SMOC2: variants seen among roughly 807,000 people sequenced by gnomAD.
The protein encoded by SMOC2 is SPARC-related modular calcium-binding protein 2.
In SMOC2, 39 loss-of-function variants were observed where a neutral mutation model predicts 61.4. The ratio of observed to expected loss-of-function variants is 0.64; its 90% CI spans 0.49 to 0.83. The LOEUF (loss-of-function observed/expected upper bound fraction) is 0.83. Ranked by LOEUF, SMOC2 falls within the 40% of genes least tolerant of loss-of-function variation. The probability of loss-of-function intolerance (pLI) is 0.00; values close to 1 mark genes in which losing one functional copy is unlikely to be tolerated. For missense variants in SMOC2, 556 were observed against 592.9 expected, an observed-to-expected ratio of 0.94 and a Z score of 0.65; for synonymous variants, 247 against 239.9, an observed-to-expected ratio of 1.03 and a Z score of -0.27.
At chr6:168,643,597 G>A (rs1177653447) in intron 9 of SMOC2, among the ~76,000 whole-genome samples, 14 of 152,322 alleles carry the variant, frequency 9.2e-5, no homozygotes, top group South Asian at 2.1e-4. Context: ...CAGGACAGGC[G>A]TGGTGGTGGG....
intron 1 of SMOC2, among the ~76,000 whole-genome samples, chr6:168,489,753 G>A (rs368810084): frequency 4.1e-5 from 6 of 144,802 alleles, no homozygotes; most frequent in Admixed American, 2.1e-4. Flanking sequence ...ATATCAAATC[G>A]TCTGGGTCCT....
intron 1 of SMOC2, among the ~76,000 whole-genome samples, chr6:168,468,082 AG>A (rs1384360226): frequency 1.3e-5 from 2 of 152,172 alleles, no homozygotes; most frequent in Non-Finnish European, 2.9e-5. Context: ...AAAGTAACTC[AG>A]GGGGGCTCTG....
intron 4 of SMOC2, among the ~76,000 whole-genome samples, chr6:168,528,819 T>C (rs549604079): frequency 6.6e-6 from 1 of 152,372 alleles, no homozygotes; most frequent in Non-Finnish European, 1.5e-5. Context: ...CTAACATGTA[T>C]ACCTAATAGT....
chr6:168,664,540 G>T, intron 12 of SMOC2: 1 of 384,890 alleles, frequency 2.6e-6, no homozygotes. Flanking sequence ...TTGTCTGAGT[G>T]TTTGTAATTT....
chr6:168,523,826 TTA>T (rs1783392168), intron 2 of SMOC2, among the ~76,000 whole-genome samples: 1 of 152,204 alleles, frequency 6.6e-6, no homozygotes, highest in Admixed American at 6.5e-5. Flanking sequence ...TGCTTAATTT[TTA>T]ACTCAACCAA....
chr6:168,636,127 T>C (rs1786711560), intron 9 of SMOC2, among the ~76,000 whole-genome samples: 1 of 152,220 alleles, frequency 6.6e-6, no homozygotes, highest in South Asian at 2.1e-4. Context: ...AGCTGCTGTC[T>C]CCTGCAAAGA....
At chr6:168,495,634 A>G (rs1782569790) in intron 1 of SMOC2, among the ~76,000 whole-genome samples, 1 of 152,128 alleles carries the variant, frequency 6.6e-6, no homozygotes, top group South Asian at 2.1e-4. Context: ...CCTGGGGAGC[A>G]GCGCTTCGCA....
chr6:168,632,963 C>G (rs1786607603), intron 9 of SMOC2, among the ~76,000 whole-genome samples: 1 of 152,160 alleles, frequency 6.6e-6, no homozygotes, highest in African/African-American at 2.4e-5. Flanking sequence ...AGCGGCTTCC[C>G]CCTTCCCCAG....
intron 7 of SMOC2, among the ~76,000 whole-genome samples, chr6:168,554,549 C>T (rs1332871570): frequency 6.6e-6 from 1 of 152,200 alleles, no homozygotes; most frequent in African/African-American, 2.4e-5. Context: ...GCACGGAGGC[C>T]CCCCGTCTCA....
chr6:168,521,403 C>T (rs1783326038), intron 2 of SMOC2, among the ~76,000 whole-genome samples: 1 of 152,176 alleles, frequency 6.6e-6, no homozygotes, highest in African/African-American at 2.4e-5. Flanking sequence ...CCCGCCTTGG[C>T]CTCCCAAAGT....
At chr6:168,597,545 G>A (rs563633700) in intron 7 of SMOC2, among the ~76,000 whole-genome samples, 1 of 152,328 alleles carries the variant, frequency 6.6e-6, no homozygotes, top group South Asian at 2.1e-4. Context: ...ACCAGCTATG[G>A]CAGTGCTGAG....
chr6:168,568,422 A>T (rs1784594136), intron 7 of SMOC2, among the ~76,000 whole-genome samples: 1 of 152,260 alleles, frequency 6.6e-6, no homozygotes, highest in African/African-American at 2.4e-5. Flanking sequence ...ATCATGCATT[A>T]GTGTGGTGCA....
intron 9 of SMOC2, among the ~76,000 whole-genome samples, chr6:168,634,769 TTC>T (rs1786668939): frequency 6.6e-6 from 1 of 152,236 alleles, no homozygotes; most frequent in South Asian, 2.1e-4. Flanking sequence ...TAGACACTGT[TTC>T]TCTGTGTGAA....
intron 10 of SMOC2, among the ~76,000 whole-genome samples, chr6:168,652,161 G>T (rs772085326): frequency 4.6e-5 from 7 of 152,112 alleles, no homozygotes; most frequent in Non-Finnish European, 7.4e-5. Flanking sequence ...AAAAATGAAG[G>T]CAGTAAATGA....
Position 168,514,477 on chromosome 6 carries a change from C to T in SMOC2, c.256+4391C>T, listed in dbSNP as rs567975267. Among the ~76,000 whole-genome samples, 13 of 152,352 alleles carry T rather than the reference C, an allele frequency of 8.5e-5. No homozygotes were observed. The South Asian group carries it at 2.7e-3, about 32-fold the overall frequency. ...AGCCAGGTACATGGCTTGAAGGAAGCATGTTCTTCTTTCCTTTGTGTCTGA... is the reference window on the plus strand; with the variant it reads ...AGCCAGGTACATGGCTTGAAGGAAGTATGTTCTTCTTTCCTTTGTGTCTGA... On this transcript the variant is annotated intron_variant, in intron 2 of 12. Coordinates refer to ENST00000356284, the MANE Select transcript of SMOC2 (RefSeq NM_001166412.2).
intron 1 of SMOC2, among the ~76,000 whole-genome samples, chr6:168,503,065 CTTTTTTTTTTTTTTTTTTT>C (rs762736911): frequency 4.2e-5 from 2 of 47,804 alleles, no homozygotes; most frequent in Non-Finnish European, 7.0e-5. Flanking sequence ...CGTGCCTGGC[CTTTTTTTTTTTTTTTTTTT>C]TTTTTTTTTT....
intron 9 of SMOC2, among the ~76,000 whole-genome samples, chr6:168,609,008 C>G (rs13206739): frequency 0.15 from 23,047 of 152,114 alleles, 2,131 homozygotes; most frequent in Middle Eastern, 0.3. Flanking sequence ...TTTGTACTGT[C>G]ATTGGTAGAA....
intron 1 of SMOC2, among the ~76,000 whole-genome samples, chr6:168,483,393 TG>T (rs1782256759): frequency 6.6e-6 from 1 of 151,118 alleles, no homozygotes; most frequent in African/African-American, 2.5e-5. Flanking sequence ...GTGACAGATT[TG>T]TACAATAAAA....
chr6:168,608,723 G>A (rs1046691338), intron 9 of SMOC2, among the ~76,000 whole-genome samples: 2 of 152,176 alleles, frequency 1.3e-5, no homozygotes, highest in Non-Finnish European at 2.9e-5. Context: ...TTAAACAGAG[G>A]TGAATTAAAA....
Sources: gnomAD v4.1 joint callset for allele counts (sites outside exome capture counted in the v4.1 genomes callset) on GRCh38, gnomAD v4.1.1 for gene constraint, MANE v1.5 for transcripts, NCBI Gene and HGNC (gene_info 2026-07-23, HGNC 2026-07-21) for gene names.